The following TLN2 variants were observed in gnomAD, a reference collection of about 807,000 sequenced individuals.
The protein encoded by TLN2 is talin 2.
In TLN2, 118 loss-of-function variants were observed where a neutral mutation model predicts 294.7. That is an observed-to-expected ratio of 0.40 (90% CI 0.34 to 0.47). TLN2 has a LOEUF of 0.47. Among genes scored for constraint, TLN2 ranks in the 20% least tolerant of loss-of-function variants. TLN2 has a pLI of 0.84. For synonymous variants in TLN2, 1,431 were observed against 1,304.5 expected, an observed-to-expected ratio of 1.10 and a Z score of -2.09; for missense variants, 3,083 against 3,282.2, an observed-to-expected ratio of 0.94 and a Z score of 1.48.
chr15:62,504,846 T>TGTGTGTGTGTGTGTGTGAGA (rs1207922838), intron 1 of TLN2, among the ~76,000 whole-genome samples: 1 of 144,392 alleles, frequency 6.9e-6, no homozygotes, highest in African/African-American at 2.6e-5. Context: ...TGTGTGTGTG[T>TGTGTGTGTGTGTGTGTGAGA]GAGAGAGAGA....
At chr15:62,748,247 CT>C in intron 32 of TLN2, 103 bp from the exon 33 acceptor site, 1 of 877,080 alleles carries the variant, frequency 1.1e-6, no homozygotes, top group Non-Finnish European at 1.8e-6. Context: ...GGGACCCGAG[CT>C]GAAATAGTGA....
chr15:62,836,112 G>T (rs202082219), intron 57 of TLN2, 39 bp downstream of exon 57: 1 of 1,567,622 alleles, frequency 6.4e-7, no homozygotes, highest in East Asian at 2.3e-5. Flanking sequence ...TACTCCTGTT[G>T]GAGCGGGTAA....
intron 9 of TLN2, among the ~76,000 whole-genome samples, chr15:62,658,468 G>A (rs2053466284): frequency 6.6e-6 from 1 of 152,160 alleles, no homozygotes; most frequent in Non-Finnish European, 1.5e-5. Context: ...TGGTGGCAGA[G>A]AATGCCTGGC....
intron 1 of TLN2, among the ~76,000 whole-genome samples, chr15:62,472,308 A>C (rs1412117372): frequency 6.6e-6 from 1 of 152,102 alleles, no homozygotes; most frequent in African/African-American, 2.4e-5. Context: ...GACTCCTTAT[A>C]TCTTCCTCAT....
At chr15:62,699,185 C>A (rs955033273) in intron 16 of TLN2, among the ~76,000 whole-genome samples, 48 of 152,244 alleles carry the variant, frequency 3.2e-4, no homozygotes, top group African/African-American at 1.1e-3. Context: ...TCCACTTTGT[C>A]ATCTGTAAAT....
intron 1 of TLN2, among the ~76,000 whole-genome samples, chr15:62,398,124 G>A (rs2140230880): frequency 6.6e-6 from 1 of 152,270 alleles, no homozygotes; most frequent in Middle Eastern, 3.4e-3. Flanking sequence ...ATCCCCACGT[G>A]TCGTGGGAGG....
chr15:62,534,499 G>A (rs1287146706), intron 1 of TLN2, among the ~76,000 whole-genome samples: 1 of 152,178 alleles, frequency 6.6e-6, no homozygotes, highest in Non-Finnish European at 1.5e-5. Flanking sequence ...GCCCACTCCG[G>A]GTGGATGCAC....
intron 1 of TLN2, among the ~76,000 whole-genome samples, chr15:62,471,654 G>A (rs542507009): frequency 9.2e-5 from 14 of 152,252 alleles, no homozygotes; most frequent in Admixed American, 7.2e-4. Context: ...TGACACCCCA[G>A]CCCCTTATCT....
Position 62,842,182 on chromosome 15 carries a change from A to C in TLN2, c.*1572A>C, listed in dbSNP as rs1450790060. On this transcript the variant is annotated 3_prime_UTR_variant, in exon 59 of 59. Coordinates refer to ENST00000636159, the MANE Select transcript of TLN2 (RefSeq NM_015059.3). ...AGCTTCCCATATTTATAAGTTACTT[A>C]TAAGTGCTGCACGTATTAGAATTTT... is the stretch of plus-strand genomic sequence containing the variant. The C allele has an allele frequency of 6.6e-6, 1 of 152,020 alleles. No homozygotes were observed. The highest frequency in any genetic ancestry group is 2.1e-4 in the South Asian group (1 of 4,834). 9.4% of individuals were successfully genotyped at this position (152,020 alleles called of 1,614,324 possible). A position where few individuals can be genotyped will look rare whatever the true frequency, so the allele number is the denominator to read the frequency against.
intron 1 of TLN2, among the ~76,000 whole-genome samples, chr15:62,396,960 C>T (rs2032600767): frequency 6.6e-6 from 1 of 152,198 alleles, no homozygotes; most frequent in South Asian, 2.1e-4. Flanking sequence ...CTTCCTCGGC[C>T]TCTCAAAATG....
intron 2 of TLN2, among the ~76,000 whole-genome samples, chr15:62,600,213 A>C (rs2046874467): frequency 6.6e-6 from 1 of 152,200 alleles, no homozygotes; most frequent in African/African-American, 2.4e-5. Context: ...GCTGTTCAGG[A>C]CTGATGGGAG....
At chr15:62,698,210 C>T (rs8028312) in intron 15 of TLN2, among the ~76,000 whole-genome samples, 14,533 of 152,184 alleles carry the variant, frequency 0.095, 1,405 homozygotes, top group African/African-American at 0.25. Flanking sequence ...TGAGGTTTCA[C>T]GCTGGGAGTC....
intron 1 of TLN2, among the ~76,000 whole-genome samples, chr15:62,466,577 T>C (rs554599754): frequency 1.3e-5 from 2 of 152,360 alleles, no homozygotes; most frequent in African/African-American, 4.8e-5. Context: ...AGAGGACTTA[T>C]GATGCCCCTG....
At chr15:62,642,050 A>G (rs141784331) in intron 3 of TLN2, among the ~76,000 whole-genome samples, 1 of 152,334 alleles carries the variant, frequency 6.6e-6, no homozygotes, top group African/African-American at 2.4e-5. Flanking sequence ...TCTGGGTTTC[A>G]CCACTGGTTT....
intron 1 of TLN2, among the ~76,000 whole-genome samples, chr15:62,488,193 T>C (rs905248093): frequency 1.3e-5 from 2 of 152,130 alleles, no homozygotes; most frequent in African/African-American, 2.4e-5. Flanking sequence ...TAATTGATCA[T>C]ACAAAAAAAT....
At position 62,518,747 on chromosome 15, in the gene TLN2, G is replaced by A. The variant is rs146089652; in HGVS notation, c.-237-70940G>A. 6.6e-5 allele frequency among the ~76,000 whole-genome samples: 10 copies of A among 152,016 alleles called. No homozygotes were observed. In the East Asian group the frequency reaches 1.9e-3, roughly 29 times the overall value. The stretch of plus-strand genomic sequence containing the variant: ...CCAGTAGCTGGGATTACAGGTGCCC[G>A]CCATCACACCCGGCTAATTTTTGTA... On this transcript the variant is annotated intron_variant, in intron 1 of 58. Coordinates refer to ENST00000636159, the MANE Select transcript of TLN2 (RefSeq NM_015059.3).
intron 1 of TLN2, among the ~76,000 whole-genome samples, chr15:62,535,598 C>T (rs2140508368): frequency 6.6e-6 from 1 of 151,522 alleles, no homozygotes; most frequent in East Asian, 1.9e-4. Context: ...TTCTGTTGCC[C>T]CGGCCAGAGT....
chr15:62,822,626 C>T (rs896569035), intron 54 of TLN2, among the ~76,000 whole-genome samples: 1 of 152,206 alleles, frequency 6.6e-6, no homozygotes, highest in Admixed American at 6.5e-5. Context: ...TTTCCCACCC[C>T]ATTGTCAGAG....
intron 42 of TLN2, among the ~76,000 whole-genome samples, chr15:62,771,958 CCTTTT>C (rs1261588483): frequency 2.6e-5 from 4 of 152,136 alleles, no homozygotes; most frequent in Non-Finnish European, 5.9e-5. Flanking sequence ...CATGGACTTT[CCTTTT>C]CTTTTCTTTT....
Sources: gnomAD v4.1 joint callset for allele counts (sites outside exome capture counted in the v4.1 genomes callset) on GRCh38, gnomAD v4.1.1 for gene constraint, MANE v1.5 for transcripts, NCBI Gene and HGNC (gene_info 2026-07-23, HGNC 2026-07-21) for gene names.